Variants in ALK observed in about 807,000 individuals in gnomAD.
The protein encoded by ALK is ALK tyrosine kinase receptor.
In ALK, 74 loss-of-function variants were observed where a neutral mutation model predicts 163.1. The observed-to-expected ratio is 0.45, with a 90% CI of 0.38 to 0.55. The LOEUF (loss-of-function observed/expected upper bound fraction) is 0.55. Ranked by LOEUF, ALK falls within the 20% of genes least tolerant of loss-of-function variation. The pLI, the probability that ALK is intolerant of heterozygous loss-of-function variation, is 0.00. For synonymous variants in ALK, 960 were observed against 843.2 expected (o/e 1.14, Z -2.40); for missense variants, 2,063 against 2,105.3 (o/e 0.98, Z 0.39).
intron 1 of ALK, among the ~76,000 whole-genome samples, chr2:29,848,527 C>T (rs989734251): frequency 1.3e-5 from 2 of 152,130 alleles, no homozygotes; most frequent in Non-Finnish European, 2.9e-5. Flanking sequence ...CAGGGCTTTT[C>T]GCATAGTGTT....
intron 3 of ALK, among the ~76,000 whole-genome samples, chr2:29,577,432 T>C (rs574943452): frequency 2.6e-5 from 4 of 152,236 alleles, no homozygotes; most frequent in Admixed American, 2.6e-4. Context: ...TAACGAGCAG[T>C]CTGAATGGTG....
intron 3 of ALK, among the ~76,000 whole-genome samples, chr2:29,624,777 A>AC (rs368880993): frequency 0.011 from 1,660 of 152,354 alleles, 18 homozygotes; most frequent in Middle Eastern, 0.017. Flanking sequence ...ACAAAAACAA[A>AC]CACATAAAAG....
intron 23 of ALK, among the ~76,000 whole-genome samples, chr2:29,217,331 TTG>T (rs1209253274): frequency 6.9e-6 from 1 of 144,496 alleles, no homozygotes; most frequent in Non-Finnish European, 1.5e-5. Flanking sequence ...TGTGTGTTTT[TTG>T]TGTGTAGCAT....
chr2:29,469,155 G>T (rs554424565), intron 4 of ALK, among the ~76,000 whole-genome samples: 1 of 152,172 alleles, frequency 6.6e-6, no homozygotes, highest in Non-Finnish European at 1.5e-5. Flanking sequence ...AAAGGAAGCT[G>T]CTCTTATTTG....
At chr2:29,853,913 C>CTTT (rs67087505) in intron 1 of ALK, among the ~76,000 whole-genome samples, 9 of 140,624 alleles carry the variant, frequency 6.4e-5, no homozygotes, top group African/African-American at 1.6e-4. Context: ...CTTTTCTTTT[C>CTTT]TTTTTTTTTT....
chr2:29,757,537 CA>C (rs1259857483), intron 1 of ALK, among the ~76,000 whole-genome samples: 1 of 151,904 alleles, frequency 6.6e-6, no homozygotes, highest in African/African-American at 2.4e-5. Context: ...AAAAGCAAGT[CA>C]TTTTTTCATA....
intron 1 of ALK, among the ~76,000 whole-genome samples, chr2:29,846,837 A>G (rs1218342542): frequency 6.6e-6 from 1 of 152,192 alleles, no homozygotes; most frequent in East Asian, 1.9e-4. Context: ...CAGAGATTCT[A>G]TGAGATAGGT....
At chr2:29,408,230 G>A (rs1379098404) in intron 4 of ALK, among the ~76,000 whole-genome samples, 1 of 151,776 alleles carries the variant, frequency 6.6e-6, no homozygotes, top group Non-Finnish European at 1.5e-5. Context: ...CTACAGGTAC[G>A]TGCCACCACA....
At position 29,735,727 on chromosome 2, in the gene ALK, T is replaced by C. The variant is rs1002689695; in HGVS notation, c.668-18030A>G. Among the ~76,000 whole-genome samples, 7 of 152,148 alleles carry C rather than the reference T, an allele frequency of 4.6e-5. No homozygotes were observed. In the South Asian group the frequency reaches 8.3e-4, roughly 18 times the overall value. On this transcript the variant is annotated intron_variant, in intron 1 of 28. Transcript: ENST00000389048. Reference sequence around the variant, plus strand: ...GCGAGTGAATTCTTGTGAGATCTGATGGTTTTATAAGGAGCTTTTCCCCCT... The same window carrying C: ...GCGAGTGAATTCTTGTGAGATCTGACGGTTTTATAAGGAGCTTTTCCCCCT...
At chr2:29,854,413 C>T (rs374250645) in intron 1 of ALK, among the ~76,000 whole-genome samples, 8 of 152,114 alleles carry the variant, frequency 5.3e-5, no homozygotes, top group African/African-American at 9.6e-5. Context: ...ACCTCCCCCT[C>T]TCTCTCTCTT....
intron 1 of ALK, among the ~76,000 whole-genome samples, chr2:29,737,733 G>T (rs546360339): frequency 6.6e-6 from 1 of 152,030 alleles, no homozygotes; most frequent in African/African-American, 2.4e-5. Context: ...ATTGGGAAGC[G>T]TTACCTCCAC....
chr2:29,637,067 T>A lies in ALK; in HGVS notation c.952+57783A>T, dbSNP rs1460925001. On this transcript the variant is annotated intron_variant, in intron 3 of 28. Coordinates refer to ENST00000389048, the MANE Select transcript of ALK (RefSeq NM_004304.5). ...AGTAAACATGCCATTACCACAGGAC[T>A]CAGTGGTTGCTCTCCTGAAAATGTA... Among the ~76,000 whole-genome samples, 3 of 152,162 alleles carry A rather than the reference T, an allele frequency of 2.0e-5. No homozygotes were observed. The East Asian group carries it at 5.8e-4, about 29-fold the overall frequency.
chr2:29,223,276 T>G, intron 20 of ALK, 66 bp downstream of exon 20: 4 of 1,567,038 alleles, frequency 2.6e-6, no homozygotes, highest in Non-Finnish European at 2.6e-6. Flanking sequence ...GAGTCTGCGG[T>G]GCTGTGATAA....
In ALK at chr2:29,335,631, G is replaced by C. The variant is rs372093467; in HGVS notation, c.1283-7150C>G. Among the ~76,000 whole-genome samples the C allele has an allele frequency of 2.6e-5, 4 of 152,276 alleles. No individual in the cohort carries two copies. In the South Asian group the frequency reaches 8.3e-4, roughly 32 times the overall value. On this transcript the variant is annotated intron_variant, in intron 5 of 28. Transcript: ENST00000389048. ...CCTCTCCCATGACTCAGATTAAATT[G>C]TCTTCTAGGAGAGGCTCCCTGACTG...
chr2:29,750,107 G>T (rs1680314614), intron 1 of ALK, among the ~76,000 whole-genome samples: 1 of 152,182 alleles, frequency 6.6e-6, no homozygotes, highest in South Asian at 2.1e-4. Context: ...GATTGCATGG[G>T]ACTCGAGAAG....
chr2:29,314,801 G>A (rs1461259662), intron 8 of ALK, among the ~76,000 whole-genome samples: 1 of 152,184 alleles, frequency 6.6e-6, no homozygotes, highest in Admixed American at 6.5e-5. Context: ...CACGGGGCTT[G>A]TTGAGACATT....
At chr2:29,433,559 T>C (rs1214182004) in intron 4 of ALK, among the ~76,000 whole-genome samples, 1 of 152,210 alleles carries the variant, frequency 6.6e-6, no homozygotes, top group Non-Finnish European at 1.5e-5. Flanking sequence ...AAAATGTATC[T>C]CTTTCCTCTT....
rs1573183477 is a variant in ALK, at chr2:29,275,118, G to A, written c.2022C>T (p.Thr674=). ...CCTTACCTGTAGGGTCAAAGATGGG[G>A]GTCTGTCTTGGTGAATTTTCCCCGG... The part of the protein sequence containing the change: ...LKPGENSPRQ[T]PIFDPTVHWL... The change falls in exon 11 of 29, where the codon ACC becomes ACT. Residue 674 remains threonine, a synonymous_variant. Coordinates refer to ENST00000389048, the MANE Select transcript of ALK (RefSeq NM_004304.5). 6.2e-7 allele frequency: 1 copy of A among 1,614,102 alleles called. No homozygotes were observed. The highest frequency in any genetic ancestry group is 8.5e-7 in the Non-Finnish European group (1 of 1,180,030).
At chr2:29,751,342 T>A (rs1374394915) in intron 1 of ALK, among the ~76,000 whole-genome samples, 2 of 152,212 alleles carry the variant, frequency 1.3e-5, no homozygotes, top group Non-Finnish European at 2.9e-5. Context: ...ACGATGGCTA[T>A]GACTTCAGCA....
Sources: allele counts gnomAD v4.1 joint callset (sites outside exome capture counted in the v4.1 genomes callset), GRCh38; gene constraint gnomAD v4.1.1; transcripts MANE v1.5; gene names NCBI Gene and HGNC (gene_info 2026-07-23, HGNC 2026-07-21).